PLEKHH2: variants seen among roughly 807,000 people sequenced by gnomAD.
The protein encoded by PLEKHH2 is pleckstrin homology domain-containing family H member 2.
A neutral mutation model predicts 187.9 loss-of-function variants in PLEKHH2; 129 were observed. That is an observed-to-expected ratio of 0.69 (90% CI 0.59 to 0.79). PLEKHH2 has a LOEUF of 0.79. Ranked by LOEUF, PLEKHH2 falls within the 30% of genes least tolerant of loss-of-function variation. The pLI, the probability that PLEKHH2 is intolerant of heterozygous loss-of-function variation, is 0.00. For missense variants in PLEKHH2, 2,076 were observed against 1,751.2 expected, an observed-to-expected ratio of 1.19 and a Z score of -3.31; for synonymous variants, 686 against 605.6, an observed-to-expected ratio of 1.13 and a Z score of -1.95.
intron 2 of PLEKHH2, among the ~76,000 whole-genome samples, chr2:43,665,786 C>CGGGGTCA (rs1667167346): frequency 7.4e-6 from 1 of 134,890 alleles, no homozygotes; most frequent in African/African-American, 3.0e-5. Flanking sequence ...TAGGCTGCTC[C>CGGGGTCA]GGGGTCAGGG....
intron 7 of PLEKHH2, among the ~76,000 whole-genome samples, chr2:43,697,930 T>C (rs1427394138): frequency 6.7e-6 from 1 of 149,654 alleles, no homozygotes; most frequent in Non-Finnish European, 1.5e-5. Context: ...ATTTCTACTC[T>C]TCTTCTTTTA....
Position 43,736,145 on chromosome 2 carries a change from T to G in PLEKHH2, c.2944-2196T>G, listed in dbSNP as rs145470557. ...AAAATATTTACAGATGGTATATTTG[T>G]ATACCCAGAAAACCCAAAAGAACAA... On this transcript the variant is annotated intron_variant, in intron 19 of 29. Transcript: ENST00000282406. Among the ~76,000 whole-genome samples the G allele has an allele frequency of 5.7e-3, 865 of 152,278 alleles. 15 individuals carry two copies. The highest frequency in any genetic ancestry group is 0.02 in the African/African-American group (814 of 41,564).
At chr2:43,678,216 ACTTTCCAGAC>A (rs1667961465) in intron 2 of PLEKHH2, among the ~76,000 whole-genome samples, 1 of 146,798 alleles carries the variant, frequency 6.8e-6, no homozygotes, top group African/African-American at 2.6e-5. Flanking sequence ...GATGCTCCTC[ACTTTCCAGAC>A]TGGGCAGCCA....
At chr2:43,671,580 G>A (rs980944394) in intron 2 of PLEKHH2, among the ~76,000 whole-genome samples, 1 of 152,142 alleles carries the variant, frequency 6.6e-6, no homozygotes, top group South Asian at 2.1e-4. Context: ...TGAGTATGAT[G>A]TTAGTTATAG....
chr2:43,711,367 G>C, intron 14 of PLEKHH2: 7 of 985,388 alleles, frequency 7.1e-6, no homozygotes, highest in Non-Finnish European at 8.4e-6. Flanking sequence ...AGAATCATTT[G>C]TAAGTTTCTG....
At chr2:43,711,426 A>G in intron 14 of PLEKHH2, 6 of 978,540 alleles carry the variant, frequency 6.1e-6, no homozygotes, top group Non-Finnish European at 7.3e-6. Flanking sequence ...GAACATTCTG[A>G]GTTCATAATA....
intron 3 of PLEKHH2, among the ~76,000 whole-genome samples, chr2:43,680,004 A>C (rs1019751937): frequency 1.1e-5 from 1 of 90,596 alleles, no homozygotes; most frequent in African/African-American, 5.2e-5. Flanking sequence ...CATAAGTCAC[A>C]TAACCCTTTC....
chr2:43,718,498 A>G (rs953918532), intron 15 of PLEKHH2, among the ~76,000 whole-genome samples: 3 of 152,022 alleles, frequency 2.0e-5, no homozygotes, highest in South Asian at 4.2e-4. Flanking sequence ...AGATGGCGCC[A>G]CTGCACTCCA....
At chr2:43,702,034 G>C (rs1302350408) in intron 8 of PLEKHH2, among the ~76,000 whole-genome samples, 8 of 152,182 alleles carry the variant, frequency 5.3e-5, no homozygotes, top group African/African-American at 1.7e-4. Context: ...CTCCCAAAGT[G>C]CTGGGATTAC....
chr2:43,763,586 ATTTTTTT>A (rs541418802), intron 28 of PLEKHH2, among the ~76,000 whole-genome samples: 3 of 130,372 alleles, frequency 2.3e-5, no homozygotes, highest in Non-Finnish European at 4.9e-5. Flanking sequence ...TGCCCGGCTA[ATTTTTTT>A]TTTTTTTTTT....
chr2:43,743,790 T>C (rs1296060840), intron 22 of PLEKHH2, 44 bp from the exon 23 acceptor site: 3 of 1,518,698 alleles, frequency 2.0e-6, no homozygotes, highest in Non-Finnish European at 1.8e-6. Context: ...AGTTTGAAAC[T>C]ATATATTTCT....
chr2:43,680,347 A>G (rs909120699), intron 3 of PLEKHH2: 2 of 146,614 alleles, frequency 1.4e-5, no homozygotes, highest in Admixed American at 1.4e-4. Flanking sequence ...TGATTTGATC[A>G]TTACACATTG....
chr2:43,738,306 C>A (rs17031357), intron 19 of PLEKHH2, 35 bp from the exon 20 acceptor site: 2 of 1,545,032 alleles, frequency 1.3e-6, no homozygotes, highest in Non-Finnish European at 8.9e-7. Context: ...CTAATCACTC[C>A]TCACCTTGAA....
At chr2:43,653,061 A>T (rs1326805914) in intron 2 of PLEKHH2, among the ~76,000 whole-genome samples, 1 of 152,134 alleles carries the variant, frequency 6.6e-6, no homozygotes, top group African/African-American at 2.4e-5. Context: ...AAGATGAGAA[A>T]TTTAGAGGTC....
chr2:43,760,896 C>T (rs930986916), intron 27 of PLEKHH2, among the ~76,000 whole-genome samples: 5 of 152,160 alleles, frequency 3.3e-5, no homozygotes, highest in Admixed American at 3.3e-4. Context: ...AATATTTGTG[C>T]TTTTGTTATT....
rs1324312879 is a variant in PLEKHH2, at chr2:43,762,407, A to G, written c.4158+17A>G. 1 of 1,562,880 alleles carries G rather than the reference A, an allele frequency of 6.4e-7. No individual in the cohort carries two copies. On this transcript the variant is annotated intron_variant, in intron 28 of 29. Coordinates refer to ENST00000282406, the MANE Select transcript of PLEKHH2 (RefSeq NM_172069.4). The stretch of plus-strand genomic sequence containing the variant: ...AACTCCATGGTAAGTTTAAACGCTC[A>G]AGTTTTGCATTAAGTCAACTGTTTC...
intron 20 of PLEKHH2, among the ~76,000 whole-genome samples, chr2:43,739,190 A>G (rs1671444480): frequency 6.6e-6 from 1 of 152,112 alleles, no homozygotes; most frequent in African/African-American, 2.4e-5. Flanking sequence ...CGCGCCCACC[A>G]GGAACCTAAA....
At chr2:43,749,804 A>G (rs1472203026) in intron 24 of PLEKHH2, among the ~76,000 whole-genome samples, 1 of 152,244 alleles carries the variant, frequency 6.6e-6, no homozygotes, top group African/African-American at 2.4e-5. Flanking sequence ...TCACACAGCC[A>G]AGGACCTGAT....
Position 43,700,144 on chromosome 2 carries a change from G to C in PLEKHH2, c.1186G>C (p.Asp396His), listed in dbSNP as rs146556619. The change falls in exon 8 of 30, where the codon GAT becomes CAT. Residue 396 changes from aspartate to histidine, a missense_variant. Physicochemically the swap from Asp to His is moderately conservative, Grantham distance 81. Coordinates refer to ENST00000282406, the MANE Select transcript of PLEKHH2 (RefSeq NM_172069.4). ...TAAAAAATTTCAATCCCAGAGACTCGATTATTCATCTTCATCGAGTGAAGC... is the reference window on the plus strand; with the variant it reads ...TAAAAAATTTCAATCCCAGAGACTCCATTATTCATCTTCATCGAGTGAAGC... Reference protein sequence around the residue: ...LNKKFQSQRLDYSSSSSEANT... With the variant: ...LNKKFQSQRLHYSSSSSEANT... 3.1e-6 allele frequency: 5 copies of C among 1,614,054 alleles called. No homozygotes were observed. Among genetic ancestry groups the C allele is most frequent in the Non-Finnish European group, 3.4e-6 (4 of 1,180,006 alleles).
Sources: allele counts gnomAD v4.1 joint callset (sites outside exome capture counted in the v4.1 genomes callset), GRCh38; gene constraint gnomAD v4.1.1; transcripts MANE v1.5; gene names NCBI Gene and HGNC (gene_info 2026-07-23, HGNC 2026-07-21).